The following DLG5 variants were observed in gnomAD, a reference collection of about 807,000 sequenced individuals.
The protein encoded by DLG5 is disks large homolog 5.
In DLG5, 48 loss-of-function variants were observed where a neutral mutation model predicts 189.8. The observed-to-expected ratio is 0.25, with a 90% CI of 0.20 to 0.32. The LOEUF is 0.32. Ranked by LOEUF, DLG5 falls within the 10% of genes least tolerant of loss-of-function variation. The pLI is 1.00. For synonymous variants in DLG5, 1,016 were observed against 1,054.1 expected, an observed-to-expected ratio of 0.96 and a Z score of 0.70; for missense variants, 2,160 against 2,544.7, an observed-to-expected ratio of 0.85 and a Z score of 3.25.
At chr10:77,795,943 C>G in intron 29 of DLG5, 118 bp downstream of exon 29, 1 of 1,454,654 alleles carries the variant, frequency 6.9e-7, no homozygotes, top group South Asian at 1.2e-5. Context: ...TAACACAACA[C>G]GGTGGGCTCA....
At position 77,856,869 on chromosome 10, in the gene DLG5, G is replaced by C; in HGVS notation, c.397C>G (p.Pro133Ala). Residue 133 changes from proline (P) to alanine (A), a missense_variant, in exon 3 of 32, where the codon CCA becomes GCA. Pro to Ala is a conservative substitution (Grantham distance 27). Transcript: ENST00000372391. ...TGCTGGTCAGTGAGGAGGGGTGGTG[G>C]GGACGGCGCCTTCCCGGTAGTGCCT... ...SVGTTGKAPSPPPLLTDQQVN... is the reference protein window; with the variant it reads ...SVGTTGKAPSAPPLLTDQQVN... 2 of 1,612,062 alleles carry C rather than the reference G, an allele frequency of 1.2e-6. No individual in the cohort carries two copies. The highest frequency in any genetic ancestry group is 1.7e-6 in the Non-Finnish European group (2 of 1,179,794).
chr10:77,915,571 T>A (rs938566847), intron 1 of DLG5, among the ~76,000 whole-genome samples: 1 of 152,250 alleles, frequency 6.6e-6, no homozygotes, highest in Non-Finnish European at 1.5e-5. Flanking sequence ...CAAAGCACAC[T>A]GGCTTAGCCC....
intron 29 of DLG5, among the ~76,000 whole-genome samples, chr10:77,795,665 G>A (rs889353632): frequency 6.6e-6 from 1 of 152,048 alleles, no homozygotes; most frequent in African/African-American, 2.4e-5. Context: ...TAGGGGCAGG[G>A]ACCCTGAGGG....
chr10:77,869,367 G>A (rs1844810383), intron 1 of DLG5, 170 bp from the exon 2 acceptor site: 6 of 624,658 alleles, frequency 9.6e-6, no homozygotes, highest in South Asian at 3.7e-5. Flanking sequence ...TCTGGACTTC[G>A]GTGTTTCTGC....
In DLG5 at chr10:77,890,569, C is replaced by T. The variant is rs761759976; in HGVS notation, c.305-21372G>A. 4.0e-4 allele frequency among the ~76,000 whole-genome samples: 61 copies of T among 152,186 alleles called. 1 individual carries two copies. The highest frequency in any genetic ancestry group is 1.3e-4 in the Admixed American group (2 of 15,278). On this transcript the variant is annotated intron_variant, in intron 1 of 31. Transcript: ENST00000372391. ...CGGTGGTTCACGCCTGTAATCCCAACACTTTGGGAGGCCGAGGCATGCAGA... is the reference window on the plus strand; with the variant it reads ...CGGTGGTTCACGCCTGTAATCCCAATACTTTGGGAGGCCGAGGCATGCAGA...
intron 24 of DLG5, among the ~76,000 whole-genome samples, chr10:77,808,416 T>C (rs1426527477): frequency 6.6e-6 from 1 of 152,008 alleles, no homozygotes; most frequent in Non-Finnish European, 1.5e-5. Context: ...ACAGGCACAC[T>C]CCACCACACC....
chr10:77,806,363 G>T (rs1841471449), intron 26 of DLG5, among the ~76,000 whole-genome samples: 3 of 152,106 alleles, frequency 2.0e-5, no homozygotes, highest in East Asian at 1.9e-4. Flanking sequence ...TGGGATAAGG[G>T]GCTGACAGCT....
At chr10:77,865,784 G>A (rs1392966701) in intron 2 of DLG5, among the ~76,000 whole-genome samples, 4 of 152,120 alleles carry the variant, frequency 2.6e-5, no homozygotes, top group South Asian at 2.1e-4. Context: ...AAAACTGCCC[G>A]AGGAGGCCTT....
intron 3 of DLG5, among the ~76,000 whole-genome samples, chr10:77,856,453 G>GACAC (rs58908767): frequency 0.27 from 41,073 of 149,844 alleles, 5,778 homozygotes; most frequent in Admixed American, 0.39. Context: ...CAGTGGTAGG[G>GACAC]ACACACACAC....
intron 7 of DLG5, among the ~76,000 whole-genome samples, chr10:77,840,702 C>T (rs1213074534): frequency 2.6e-5 from 4 of 152,026 alleles, no homozygotes; most frequent in Admixed American, 6.6e-5. Context: ...CTGGGCAACA[C>T]GAGACTCAGT....
At chr10:77,792,791 AATGGTT>A (rs1840702287) in intron 31 of DLG5, 1 of 481,880 alleles carries the variant, frequency 2.1e-6, no homozygotes, top group Non-Finnish European at 3.7e-6. Flanking sequence ...TTGGGTTTGC[AATGGTT>A]GGGGGAATCC....
chr10:77,923,751 C>T (rs970548355), intron 1 of DLG5, among the ~76,000 whole-genome samples: 5 of 152,168 alleles, frequency 3.3e-5, no homozygotes, highest in African/African-American at 1.2e-4. Context: ...CAGTGAGACC[C>T]TGTCTCAAAA....
At chr10:77,854,431 A>G (rs1248692) in intron 3 of DLG5, 61 bp from the exon 4 acceptor site, 1,089,698 of 1,595,310 alleles carry the variant, frequency 0.68, 375,059 homozygotes, top group African/African-American at 0.9. Context: ...GGATAGAGGA[A>G]CCAGGTCCTG....
intron 1 of DLG5, among the ~76,000 whole-genome samples, chr10:77,917,564 A>G: frequency 6.6e-6 from 1 of 151,872 alleles, no homozygotes; most frequent in Non-Finnish European, 1.5e-5. Context: ...GAAAGACAGC[A>G]AGAAAGAAAG....
At chr10:77,862,577 C>T (rs1844514019) in intron 2 of DLG5, among the ~76,000 whole-genome samples, 1 of 152,176 alleles carries the variant, frequency 6.6e-6, no homozygotes, top group Non-Finnish European at 1.5e-5. Flanking sequence ...CATGCAATTG[C>T]CATACCACCC....
At chr10:77,824,733 G>A (rs1842534897) in intron 13 of DLG5, 1 of 424,252 alleles carries the variant, frequency 2.4e-6, no homozygotes, top group Non-Finnish European at 4.2e-6. Flanking sequence ...GAACACCGAG[G>A]ACCCGGAGGG....
chr10:77,831,261 C>T (rs1295842369), intron 9 of DLG5, among the ~76,000 whole-genome samples: 4 of 151,978 alleles, frequency 2.6e-5, no homozygotes, highest in Non-Finnish European at 4.4e-5. Flanking sequence ...AAAAATTAGC[C>T]GGGCGTGGTG....
At chr10:77,828,770 T>G in intron 13 of DLG5, 112 bp downstream of exon 13, 2 of 941,370 alleles carry the variant, frequency 2.1e-6, no homozygotes, top group South Asian at 3.1e-5. Context: ...CATAGTACAA[T>G]GCCCACAACA....
At chr10:77,910,655 G>A (rs1411996111) in intron 1 of DLG5, among the ~76,000 whole-genome samples, 1 of 152,170 alleles carries the variant, frequency 6.6e-6, no homozygotes, top group Non-Finnish European at 1.5e-5. Flanking sequence ...TTCCAGCCAT[G>A]GCATTCAACA....
Sources: gnomAD v4.1 joint callset for allele counts (sites outside exome capture counted in the v4.1 genomes callset) on GRCh38, gnomAD v4.1.1 for gene constraint, MANE v1.5 for transcripts, NCBI Gene and HGNC (gene_info 2026-07-23, HGNC 2026-07-21) for gene names.